The following PHACTR2 variants were observed in gnomAD, a reference collection of about 807,000 sequenced individuals.
PHACTR2 encodes chromosome 6 open reading frame 56.
In PHACTR2, 30 loss-of-function variants were observed where a neutral mutation model predicts 76.0. The observed-to-expected ratio is 0.39, with a 90% CI of 0.30 to 0.54. The LOEUF (loss-of-function observed/expected upper bound fraction) is 0.54. PHACTR2 is among the 20% of genes least tolerant of loss of function. PHACTR2 has a pLI of 0.61. For missense variants in PHACTR2, 696 were observed against 781.1 expected (o/e 0.89, Z 1.30); for synonymous variants, 292 against 292.5 (o/e 1.00, Z 0.02).
intron 1 of PHACTR2, among the ~76,000 whole-genome samples, chr6:143,544,269 G>A (rs1781200906): frequency 6.6e-6 from 1 of 152,136 alleles, no homozygotes; most frequent in Non-Finnish European, 1.5e-5. Flanking sequence ...AAGGAAGGCG[G>A]GCAGGCTCCC....
In PHACTR2 at chr6:143,654,150, C is replaced by T. The variant is rs901613106; in HGVS notation, c.13+45828C>T. 6.6e-6 allele frequency among the ~76,000 whole-genome samples: 1 copy of T among 152,104 alleles called. No homozygotes were observed. The highest frequency in any genetic ancestry group is 6.6e-5 in the Admixed American group (1 of 15,266). ...ACCATCAGGGAAATACAAATCAAAA[C>T]CACAAGAGACCACTTTATACCCATG... On this transcript the variant is annotated intron_variant, in intron 1 of 11. Coordinates refer to the PHACTR2 transcript ENST00000305766. This position sits in a 1 kb window ranked among gnomAD's most constrained non-coding sequence, Gnocchi z 4.6.
Position 143,801,934 on chromosome 6 carries a change from A to G in PHACTR2, c.1846-5123A>G, listed in dbSNP as rs114849065. ...TGATACTATTCCTTTCTGTTTGCTCATTTTCCTTCTAACAGATAGGCCCCT... is the reference window on the plus strand; with the variant it reads ...TGATACTATTCCTTTCTGTTTGCTCGTTTTCCTTCTAACAGATAGGCCCCT... On this transcript the variant is annotated intron_variant, in intron 11 of 12. Coordinates refer to ENST00000440869, the MANE Select transcript of PHACTR2 (RefSeq NM_001100164.2). This position sits in a 1 kb window ranked among gnomAD's most constrained non-coding sequence, Gnocchi z 4.6. Among the ~76,000 whole-genome samples the G allele has an allele frequency of 0.011, 1,717 of 151,798 alleles. 43 individuals are homozygous for G. The highest frequency in any genetic ancestry group is 0.04 in the African/African-American group (1,637 of 41,374).
Position 143,596,563 on chromosome 6 carries a change from G to A in PHACTR2, c.217+59356G>A, listed in dbSNP as rs11155308. ...GTAAGAATCACAGCCATCAGGCCGG[G>A]CACTGTGGCTCATGCCTGTAATCCC... On this transcript the variant is annotated intron_variant, in intron 1 of 11. Coordinates refer to the PHACTR2 transcript ENST00000367584. This position sits in a 1 kb window ranked among gnomAD's most constrained non-coding sequence, Gnocchi z 4.6. Among the ~76,000 whole-genome samples, 6,923 of 152,258 alleles carry A rather than the reference G, an allele frequency of 0.045. 248 individuals are homozygous for A. Among genetic ancestry groups the A allele is most frequent in the East Asian group, 0.2 (1,024 of 5,176 alleles).
chr6:143,773,970 G>A, intron 7 of PHACTR2, 89 bp from the exon 8 acceptor site: 2 of 1,081,706 alleles, frequency 1.8e-6, no homozygotes, highest in Admixed American at 2.4e-5. Context: ...TTTGGTCTGG[G>A]CTCTATTTAA....
chr6:143,688,048 AG>A lies in PHACTR2; in HGVS notation c.46+9842del, dbSNP rs1408890671. On this transcript the variant is annotated intron_variant, in intron 1 of 12. Transcript: ENST00000440869. The surrounding 1 kb of genome is among the most constrained non-coding windows in gnomAD (Gnocchi z 5.2). ...TGTGCAGAAATGAGAGTGGAAGGGA[AG>A]GGATATGTAGAGAATTGTAGGACTA... is the stretch of plus-strand genomic sequence containing the variant. 6.6e-6 allele frequency among the ~76,000 whole-genome samples: 1 copy of A among 152,164 alleles called. No homozygotes were observed. Among genetic ancestry groups the A allele is most frequent in the East Asian group, 1.9e-4 (1 of 5,196 alleles).
intron 1 of PHACTR2, among the ~76,000 whole-genome samples, chr6:143,707,910 G>A (rs28522201): frequency 0.027 from 4,068 of 152,218 alleles, 175 homozygotes; most frequent in African/African-American, 0.092. Flanking sequence ...GCTGGATCAG[G>A]AGGAAGAGAG....
At chr6:143,812,369 G>T (rs1776195464) in intron 12 of PHACTR2, among the ~76,000 whole-genome samples, 3 of 152,184 alleles carry the variant, frequency 2.0e-5, no homozygotes. Context: ...CTAAGTCCTT[G>T]TTTCTGTAAA....
rs1431041353 is a variant in PHACTR2 at position 143,742,498 on chromosome 6, C to T, written c.215-6487C>T. On this transcript the variant is annotated intron_variant, in intron 2 of 12. Coordinates refer to ENST00000440869, the MANE Select transcript of PHACTR2 (RefSeq NM_001100164.2). This position sits in a 1 kb window ranked among gnomAD's most constrained non-coding sequence, Gnocchi z 4.5. ...AATTTTTTGGGCCTGGATCTTATTTCTGCAACTTGAGCATGTGTCCCTCTC... is the reference window on the plus strand; with the variant it reads ...AATTTTTTGGGCCTGGATCTTATTTTTGCAACTTGAGCATGTGTCCCTCTC... Among the ~76,000 whole-genome samples the T allele has an allele frequency of 1.3e-5, 2 of 152,204 alleles. No homozygotes were observed. Among genetic ancestry groups the T allele is most frequent in the African/African-American group, 4.8e-5 (2 of 41,436 alleles).
At chr6:143,587,589 G>T (rs1351458150) in intron 1 of PHACTR2, among the ~76,000 whole-genome samples, 1 of 152,084 alleles carries the variant, frequency 6.6e-6, no homozygotes, top group Non-Finnish European at 1.5e-5. Flanking sequence ...TGAGAAAAAA[G>T]GTGAGATAGT....
chr6:143,563,289 A>T (rs1582673028), intron 1 of PHACTR2, among the ~76,000 whole-genome samples: 1 of 151,938 alleles, frequency 6.6e-6, no homozygotes, highest in East Asian at 1.9e-4. Context: ...AAGAGAAGAA[A>T]CCCGGGGGCT....
chr6:143,606,249 C>T (rs577018930), upstream of PHACTR2, among the ~76,000 whole-genome samples: 1 of 98,550 alleles, frequency 1.0e-5, no homozygotes, highest in African/African-American at 3.9e-5. Flanking sequence ...CATTTTGGAG[C>T]GAAACTTACA....
At position 143,689,724 on chromosome 6, in the gene PHACTR2, G is replaced by A. The variant is rs561900267; in HGVS notation, c.46+11515G>A. Among the ~76,000 whole-genome samples, 25 of 141,816 alleles carry A rather than the reference G, an allele frequency of 1.8e-4. No individual in the cohort carries two copies. Among genetic ancestry groups the A allele is most frequent in the East Asian group, 8.0e-4 (4 of 4,970 alleles). The allele number at this position is 141,816 out of a possible 152,430, so 93.0% of individuals were successfully genotyped here. On this transcript the variant is annotated intron_variant, in intron 1 of 12. Transcript: ENST00000440869. The surrounding 1 kb of genome is among the most constrained non-coding windows in gnomAD (Gnocchi z 4.4). ...TTTTTTTTTTTTGAGATGGAGTGTC[G>A]CTCTGTTGCCCAGGCTGGAGTGCAG...
rs530944210 is a variant in PHACTR2, at chr6:143,652,770, A to G, written c.13+44448A>G. ...TAAGGCGGAATGCCCACCTGGAGAT[A>G]AGTCTTGGCTGTCACACCTGGACCG... On this transcript the variant is annotated intron_variant, in intron 1 of 11. Coordinates refer to the PHACTR2 transcript ENST00000305766. This position sits in a 1 kb window ranked among gnomAD's most constrained non-coding sequence, Gnocchi z 4.5. Among the ~76,000 whole-genome samples, 2 of 152,312 alleles carry G rather than the reference A, an allele frequency of 1.3e-5. No homozygotes were observed. Among genetic ancestry groups the G allele is most frequent in the South Asian group, 4.1e-4 (2 of 4,822 alleles).
rs1158363989 is a variant in PHACTR2 at position 143,753,412 on chromosome 6, C to T, written c.296-342C>T. Among the ~76,000 whole-genome samples the T allele has an allele frequency of 2.6e-5, 4 of 152,100 alleles. No individual in the cohort carries two copies. The highest frequency in any genetic ancestry group is 1.9e-4 in the East Asian group (1 of 5,196). On this transcript the variant is annotated intron_variant, in intron 3 of 12. Transcript: ENST00000440869. This position sits in a 1 kb window ranked among gnomAD's most constrained non-coding sequence, Gnocchi z 4.6. ...ATTCCATTTTCCAGATTATTCCTCTCGCCATTCTGTTTCTGAATGACAAAG... is the reference window on the plus strand; with the variant it reads ...ATTCCATTTTCCAGATTATTCCTCTTGCCATTCTGTTTCTGAATGACAAAG...
In PHACTR2 at chr6:143,755,692, A is replaced by G. The variant is rs143224090; in HGVS notation, c.454+1780A>G. ...TGGGAGTGCTGGATGCTGACATACC[A>G]CTAAAGAGGCAGTGCGGCTGTCTCC... On this transcript the variant is annotated intron_variant, in intron 4 of 12. Transcript: ENST00000440869. The surrounding 1 kb of genome is among the most constrained non-coding windows in gnomAD (Gnocchi z 5.2). Among the ~76,000 whole-genome samples the G allele has an allele frequency of 1.5e-4, 22 of 151,372 alleles. No homozygotes were observed. The East Asian group carries it at 4.1e-3, about 28-fold the overall frequency.
chr6:143,770,191 ATGC>A (rs1427262568), intron 6 of PHACTR2, among the ~76,000 whole-genome samples: 1 of 152,228 alleles, frequency 6.6e-6, no homozygotes, highest in Non-Finnish European at 1.5e-5. Context: ...ATTCTCACAC[ATGC>A]TACGACATGA....
chr6:143,619,454 AT>A lies in PHACTR2; in HGVS notation c.13+11134del, dbSNP rs1334084217. ...CTTATTGCCAGTGTGAAAGCACATT[AT>A]TATTAGAATGCTAAAGATCTTGTGC... On this transcript the variant is annotated intron_variant, in intron 1 of 11. Coordinates refer to the PHACTR2 transcript ENST00000305766. This position sits in a 1 kb window ranked among gnomAD's most constrained non-coding sequence, Gnocchi z 4.5. Among the ~76,000 whole-genome samples the A allele has an allele frequency of 1.3e-5, 2 of 152,218 alleles. No homozygotes were observed. Among genetic ancestry groups the A allele is most frequent in the Non-Finnish European group, 2.9e-5 (2 of 68,040 alleles).
rs1174588479 is a variant in PHACTR2 at position 143,536,950 on chromosome 6, GCCGGCCCCACCCGGTGCT to G, written c.-32_-15del. ...AGCAGCGGGCAGCGCAGCCCTCGGC[GCCGGCCCCACCCGGTGCT>G]CCGGCCCCGCCGCCGGGAGCCGATG... On this transcript the variant is annotated 5_prime_UTR_variant, in exon 1 of 12. Coordinates refer to the PHACTR2 transcript ENST00000367584. This position sits in a 1 kb window ranked among gnomAD's most constrained non-coding sequence, Gnocchi z 5.4. 1.3e-5 allele frequency: 2 copies of G among 153,494 alleles called. No homozygotes were observed. Among genetic ancestry groups the G allele is most frequent in the African/African-American group, 2.4e-5 (1 of 41,170 alleles). 9.5% of individuals were successfully genotyped at this position (153,494 alleles called of 1,614,324 possible).
Position 143,664,591 on chromosome 6 carries a change from T to G in PHACTR2, c.14-47425T>G, listed in dbSNP as rs549963403. On this transcript the variant is annotated intron_variant, in intron 1 of 11. Coordinates refer to the PHACTR2 transcript ENST00000305766. The surrounding 1 kb of genome is among the most constrained non-coding windows in gnomAD (Gnocchi z 5.1). Reference sequence around the variant, plus strand: ...TACTATTTGAAACAGTTACTTTTTCTAACAAAGTTTAAAATTATTTAGTAC... The same window carrying G: ...TACTATTTGAAACAGTTACTTTTTCGAACAAAGTTTAAAATTATTTAGTAC... 3.2e-4 allele frequency among the ~76,000 whole-genome samples: 48 copies of G among 152,278 alleles called. No individual in the cohort carries two copies. The highest frequency in any genetic ancestry group is 4.6e-4 in the Non-Finnish European group (31 of 68,014).
Sources: gnomAD v4.1 joint callset for allele counts (sites outside exome capture counted in the v4.1 genomes callset) on GRCh38, gnomAD v4.1.1 for gene constraint, Gnocchi (gnomAD v3.1) non-coding constraint, MANE v1.5 for transcripts, NCBI Gene and HGNC (gene_info 2026-07-23, HGNC 2026-07-21) for gene names.